HIVEP1: variants seen among roughly 807,000 people sequenced by gnomAD.
The protein encoded by HIVEP1 is zinc finger protein 40.
HIVEP1 carries 36 observed loss-of-function variants against 180.0 expected under a neutral mutation model. That is an observed-to-expected ratio of 0.20 (90% CI 0.15 to 0.26). HIVEP1 has a LOEUF of 0.26. Ranked by LOEUF, HIVEP1 falls within the 10% of genes least tolerant of loss-of-function variation. The pLI is 1.00. For missense variants in HIVEP1, 3,143 were observed against 3,268.7 expected (o/e 0.96, Z 0.94); for synonymous variants, 1,239 against 1,239.0 (o/e 1.00, Z 0.00).
the HIVEP1 span, among the ~76,000 whole-genome samples, chr6:12,200,580 C>T: frequency 6.6e-6 from 1 of 152,192 alleles, no homozygotes; most frequent in Non-Finnish European, 1.5e-5. Context: ...AAGCCTAGAG[C>T]CTGGAGTCTA....
rs750453471 is a variant in HIVEP1, at chr6:12,120,246, G to A, written c.451G>A (p.Ala151Thr). 2.6e-5 allele frequency: 42 copies of A among 1,614,048 alleles called. No homozygotes were observed. Among genetic ancestry groups the A allele is most frequent in the Middle Eastern group, 1.6e-4 (1 of 6,084 alleles). Residue 151 changes from alanine to threonine, a missense_variant, in exon 4 of 9, where the codon GCT becomes ACT. Ala to Thr is a moderately conservative substitution (Grantham distance 58). Transcript: ENST00000379388. ...SELRRWRSEG[A>T]DPAKFSDLDE... Reference sequence around the variant, plus strand: ...ACTGCGTAGATGGAGATCCGAAGGCGCTGATCCTGCCAAATTCAGTGACCT... The same window carrying A: ...ACTGCGTAGATGGAGATCCGAAGGCACTGATCCTGCCAAATTCAGTGACCT...
chr6:12,185,660 T>G, the HIVEP1 span, among the ~76,000 whole-genome samples: 1 of 152,216 alleles, frequency 6.6e-6, no homozygotes, highest in Non-Finnish European at 1.5e-5. Context: ...AAGGTATACA[T>G]ATATGAATGG....
intron 7 of HIVEP1, among the ~76,000 whole-genome samples, chr6:12,141,322 G>A (rs1759012634): frequency 6.6e-6 from 1 of 152,092 alleles, no homozygotes; most frequent in African/African-American, 2.4e-5. Flanking sequence ...AGCAAATGCT[G>A]AGAGATTTTG....
chr6:12,099,183 G>GGTTTTT (rs373744044), intron 3 of HIVEP1, among the ~76,000 whole-genome samples: 3 of 138,456 alleles, frequency 2.2e-5, no homozygotes, highest in African/African-American at 8.2e-5. Context: ...ATGTCACTGA[G>GGTTTTT]TTTTTTTTTT....
chr6:12,195,394 G>A, the HIVEP1 span, among the ~76,000 whole-genome samples: 1 of 152,098 alleles, frequency 6.6e-6, no homozygotes, highest in South Asian at 2.1e-4. Flanking sequence ...TTCAAAATGG[G>A]GAAAATAAGG....
At chr6:12,011,740 C>T (rs1448015133), upstream of HIVEP1, among the ~76,000 whole-genome samples, 1 of 148,548 alleles carries the variant, frequency 6.7e-6, no homozygotes, top group Non-Finnish European at 1.5e-5. Context: ...GGGTTCGTGC[C>T]GGGCCGGGCG....
chr6:12,048,702 T>TA (rs781499571), intron 2 of HIVEP1, among the ~76,000 whole-genome samples: 27 of 152,240 alleles, frequency 1.8e-4, no homozygotes, highest in Non-Finnish European at 3.7e-4. Context: ...TTGTCTCCTT[T>TA]TTAGTATTAC....
At chr6:12,028,011 T>G (rs1768697217) in intron 2 of HIVEP1, among the ~76,000 whole-genome samples, 1 of 152,264 alleles carries the variant, frequency 6.6e-6, no homozygotes, top group African/African-American at 2.4e-5. Context: ...GAGCTCATGA[T>G]AACTGTTGAG....
intron 1 of HIVEP1, among the ~76,000 whole-genome samples, chr6:12,014,332 C>T (rs1000090095): frequency 2.6e-5 from 4 of 152,092 alleles, no homozygotes; most frequent in African/African-American, 4.8e-5. Flanking sequence ...TCATGCAGTA[C>T]CACATTCTTT....
intron 3 of HIVEP1, among the ~76,000 whole-genome samples, chr6:12,091,161 A>C (rs543225162): frequency 1.3e-5 from 2 of 152,260 alleles, no homozygotes; most frequent in Admixed American, 6.5e-5. Flanking sequence ...GAGATTTTTC[A>C]AACCTTTTCT....
chr6:12,025,301 T>G (rs147135671), intron 2 of HIVEP1, among the ~76,000 whole-genome samples: 19 of 152,310 alleles, frequency 1.2e-4, no homozygotes, highest in Admixed American at 1.2e-3. Flanking sequence ...AGGTCAGAAT[T>G]TGAAGGATTT....
At chr6:12,035,576 A>G (rs1363378453) in intron 2 of HIVEP1, among the ~76,000 whole-genome samples, 2 of 152,228 alleles carry the variant, frequency 1.3e-5, no homozygotes, top group African/African-American at 2.4e-5. Context: ...TCTGAAATGT[A>G]CTTCTAAAGT....
chr6:12,124,655 C>T lies in HIVEP1; in HGVS notation c.4860C>T (p.Leu1620=). 4 of 1,614,182 alleles carry T rather than the reference C, an allele frequency of 2.5e-6. No individual in the cohort carries two copies. Among genetic ancestry groups the T allele is most frequent in the Non-Finnish European group, 2.5e-6 (3 of 1,179,992 alleles). The change falls in exon 4 of 9, where the codon CTC becomes CTT. Residue 1620 remains leucine (L), a synonymous_variant. Transcript: ENST00000379388. The stretch of plus-strand genomic sequence containing the variant: ...CGCATCCTCTGCTACCACCAGAGCT[C>T]AGGCCCCTTGGAAGTCAGGTGCAGA... ...SNSHPLLPPE[L]RPLGSQVQKV... is the part of the protein sequence containing the mutation.
chr6:12,056,321 T>A (rs1770867898), intron 2 of HIVEP1, among the ~76,000 whole-genome samples: 1 of 152,320 alleles, frequency 6.6e-6, no homozygotes, highest in Middle Eastern at 3.4e-3. Flanking sequence ...GGTAGTATGA[T>A]GTTCTTAAGG....
In HIVEP1 at chr6:12,078,822, C is replaced by T. The variant is rs532408477; in HGVS notation, c.41-10362C>T. On this transcript the variant is annotated intron_variant, in intron 2 of 8. Coordinates refer to ENST00000379388, the MANE Select transcript of HIVEP1 (RefSeq NM_002114.4). Reference sequence around the variant, plus strand: ...TGCCTGAAAAGCTGGAGGAGCATGCCAGTGAGTTTGTTTTGTTTTTTTTAA... The same window carrying T: ...TGCCTGAAAAGCTGGAGGAGCATGCTAGTGAGTTTGTTTTGTTTTTTTTAA... 2.6e-5 allele frequency among the ~76,000 whole-genome samples: 4 copies of T among 151,782 alleles called. No homozygotes were observed. In the East Asian group the frequency reaches 5.8e-4, roughly 22 times the overall value.
At chr6:12,176,642 G>A in the HIVEP1 span, among the ~76,000 whole-genome samples, 1 of 151,950 alleles carries the variant, frequency 6.6e-6, no homozygotes, top group East Asian at 1.9e-4. Flanking sequence ...GTCCAAAGAG[G>A]GTGAATACTC....
chr6:12,196,322 A>C, the HIVEP1 span, among the ~76,000 whole-genome samples: 1 of 152,210 alleles, frequency 6.6e-6, no homozygotes, highest in Non-Finnish European at 1.5e-5. Flanking sequence ...GGTATGTTCT[A>C]TTTAGACATT....
At position 12,123,813 on chromosome 6, in the gene HIVEP1, A is replaced by T. The variant is rs773988268; in HGVS notation, c.4018A>T (p.Asn1340Tyr). ...TEASPKIDFL[N>Y]KAEFLMIPAG... is the part of the protein sequence containing the mutation. ...GGCTTCCCCCAAAATCGATTTTCTA[A>T]ATAAAGCCGAGTTTCTTATGATTCC... Residue 1340 changes from asparagine (N) to tyrosine (Y), a missense_variant, in exon 4 of 9, where the codon AAT becomes TAT. Asn to Tyr is a moderately radical substitution (Grantham distance 143, BLOSUM62 -2). This residue lies in a region of HIVEP1 where 1,357 missense variants were observed against 1,260.5 expected (regional missense o/e 1.08). Coordinates refer to ENST00000379388, the MANE Select transcript of HIVEP1 (RefSeq NM_002114.4). 2 of 1,614,050 alleles carry T rather than the reference A, an allele frequency of 1.2e-6. No individual in the cohort carries two copies. Among genetic ancestry groups the T allele is most frequent in the Non-Finnish European group, 1.7e-6 (2 of 1,180,036 alleles).
At chr6:12,192,865 A>G in the HIVEP1 span, among the ~76,000 whole-genome samples, 1 of 151,396 alleles carries the variant, frequency 6.6e-6, no homozygotes, top group East Asian at 1.9e-4. Flanking sequence ...TTTTTTTACA[A>G]TACAGCTAAA....
Sources: allele counts gnomAD v4.1 joint callset (sites outside exome capture counted in the v4.1 genomes callset), GRCh38; gene constraint gnomAD v4.1.1; regional missense constraint gnomAD v4.1.1; transcripts MANE v1.5; gene names NCBI Gene and HGNC (gene_info 2026-07-23, HGNC 2026-07-21).